The following CES5A variants were observed in gnomAD, a reference collection of about 807,000 sequenced individuals.
CES5A encodes the protein carboxylesterase 5A.
A neutral mutation model predicts 62.9 loss-of-function variants in CES5A; 67 were observed. The ratio of observed to expected loss-of-function variants is 1.07; its 90% confidence interval spans 0.88 to 1.31. CES5A has a LOEUF of 1.31. Ranked by LOEUF, CES5A falls within the 50% of genes most tolerant of loss-of-function variation. The probability of loss-of-function intolerance (pLI) is 0.00; values close to 1 mark genes in which losing one functional copy is unlikely to be tolerated. For missense variants in CES5A, 748 were observed against 708.5 expected (o/e 1.06, Z -0.63); for synonymous variants, 296 against 280.8 (o/e 1.05, Z -0.54).
intron 10 of CES5A, among the ~76,000 whole-genome samples, chr16:55,852,149 G>A (rs1338466511): frequency 6.6e-6 from 1 of 152,150 alleles, no homozygotes; most frequent in Admixed American, 6.5e-5. Flanking sequence ...ACAACAATAT[G>A]AATGTACTTG....
chr16:55,910,190 G>A (rs1236631713), intron 1 of CES5A, among the ~76,000 whole-genome samples: 5 of 152,176 alleles, frequency 3.3e-5, no homozygotes, highest in East Asian at 3.9e-4. Context: ...TCCTAGCTAA[G>A]AGGAATCCTG....
exon 1 of CES5A, chr16:55,925,442 G>A (rs1415495590): frequency 1.3e-5 from 2 of 152,006 alleles, no homozygotes; most frequent in Non-Finnish European, 2.9e-5. Context: ...CCATTATGGA[G>A]AACAGTTTGG....
intron 3 of CES5A, among the ~76,000 whole-genome samples, chr16:55,870,927 C>T (rs2033570715): frequency 6.6e-6 from 1 of 152,190 alleles, no homozygotes; most frequent in Non-Finnish European, 1.5e-5. Context: ...GAATCTAGTG[C>T]CTACTGTGTG....
intron 7 of CES5A, among the ~76,000 whole-genome samples, 195 bp from the exon 8 acceptor site, chr16:55,859,882 AG>A (rs1313051659): frequency 6.6e-6 from 1 of 152,200 alleles, no homozygotes; most frequent in African/African-American, 2.4e-5. Flanking sequence ...TACTTGGGTG[AG>A]GGGGCTAAAC....
At chr16:55,879,045 G>A (rs2033732923), upstream of CES5A, among the ~76,000 whole-genome samples, 1 of 127,524 alleles carries the variant, frequency 7.8e-6, no homozygotes. Flanking sequence ...CCCCATCACT[G>A]CACCCACATC....
intron 1 of CES5A, among the ~76,000 whole-genome samples, chr16:55,952,243 G>A (rs1403999699): frequency 6.6e-6 from 1 of 151,924 alleles, no homozygotes; most frequent in African/African-American, 2.4e-5. Flanking sequence ...ACAAGGAGAG[G>A]CCATATATCA....
chr16:55,893,327 T>A (rs933910973), intron 1 of CES5A, among the ~76,000 whole-genome samples: 12 of 151,498 alleles, frequency 7.9e-5, no homozygotes, highest in East Asian at 1.9e-4. Context: ...AAAAAAAAAA[T>A]TGGAATCATA....
intron 1 of CES5A, among the ~76,000 whole-genome samples, chr16:55,887,537 C>A (rs192215260): frequency 9.5e-4 from 144 of 152,254 alleles, no homozygotes; most frequent in Non-Finnish European, 1.3e-3. Context: ...GAGTCTGGAG[C>A]ATCTCACCAG....
rs557277048 is a variant in CES5A, at chr16:55,897,394, T to C, written c.-255-23357A>G. 2.0e-5 allele frequency among the ~76,000 whole-genome samples: 3 copies of C among 152,058 alleles called. No homozygotes were observed. The South Asian group carries it at 6.2e-4, about 32-fold the overall frequency. ...GTACTTACAGAAGGGGGAAAAAGGG[T>C]TCTAGGGCCTTCTAAGTGGCCCAGG... On this transcript the variant is annotated intron_variant, in intron 1 of 12. Coordinates refer to the CES5A transcript ENST00000518005.
At position 55,875,266 on chromosome 16, in the gene CES5A, G is replaced by A. The variant is rs778841425; in HGVS notation, c.-45C>T. On this transcript the variant is annotated 5_prime_UTR_variant, in exon 1 of 13. Coordinates refer to ENST00000290567, the MANE Select transcript of CES5A (RefSeq NM_001143685.2). ...CTGTGAACATTGACGGCGGCTGCTG[G>A]CCTCAGAGAGCTTCAGTTGGGAGCC... 2 of 1,597,476 alleles carry A rather than the reference G, an allele frequency of 1.3e-6. No homozygotes were observed. The highest frequency in any genetic ancestry group is 4.5e-5 in the East Asian group (2 of 44,532).
chr16:55,949,789 A>T (rs1239718860), exon 2 of CES5A: 1 of 1,458,868 alleles, frequency 6.9e-7, no homozygotes. Flanking sequence ...ACTCACCCTC[A>T]TCTTTGGAAG....
intron 5 of CES5A, among the ~76,000 whole-genome samples, chr16:55,864,770 A>G (rs1367273635): frequency 2.0e-5 from 3 of 152,214 alleles, no homozygotes; most frequent in African/African-American, 7.2e-5. Context: ...TTAGCTGGGC[A>G]TGGTGGCGCA....
chr16:55,895,451 G>A (rs2033922302), intron 1 of CES5A, among the ~76,000 whole-genome samples: 1 of 152,222 alleles, frequency 6.6e-6, no homozygotes, highest in Admixed American at 6.5e-5. Flanking sequence ...AGTCAAAGGA[G>A]ATTATTCCGG....
chr16:55,846,747 G>T (rs2033020141), intron 12 of CES5A, 21 bp downstream of exon 12: 1 of 1,613,452 alleles, frequency 6.2e-7, no homozygotes. Flanking sequence ...TGGCATGGGG[G>T]AGACCGGGAG....
intron 11 of CES5A, 70 bp from the exon 12 acceptor site, chr16:55,846,910 G>T (rs2033025226): frequency 1.5e-6 from 2 of 1,298,490 alleles, no homozygotes; most frequent in South Asian, 2.4e-5. Flanking sequence ...CCTTGTATTT[G>T]ATTAATCCTT....
At chr16:55,850,472 T>C (rs1316352026) in intron 10 of CES5A, among the ~76,000 whole-genome samples, 1 of 152,242 alleles carries the variant, frequency 6.6e-6, no homozygotes, top group Non-Finnish European at 1.5e-5. Flanking sequence ...AATGGGATCA[T>C]ACAACATGTG....
upstream of CES5A, among the ~76,000 whole-genome samples, chr16:55,877,416 GTGTGTA>G (rs1231365792): frequency 6.7e-5 from 10 of 148,638 alleles, no homozygotes; most frequent in Non-Finnish European, 1.2e-4. Context: ...ATATGTGTGT[GTGTGTA>G]TATATATATA....
chr16:55,883,926 C>A (rs1412521699), intron 1 of CES5A, among the ~76,000 whole-genome samples: 2 of 152,216 alleles, frequency 1.3e-5, no homozygotes, highest in Admixed American at 6.5e-5. Context: ...CATTCACTAC[C>A]TGGCTCTCGT....
At chr16:55,856,191 C>T (rs567623212) in intron 9 of CES5A, among the ~76,000 whole-genome samples, 186 bp downstream of exon 9, 3 of 152,232 alleles carry the variant, frequency 2.0e-5, no homozygotes, top group African/African-American at 7.2e-5. Context: ...ATAAATTACC[C>T]AGTCTCAGGT....
Sources: allele counts gnomAD v4.1 joint callset (sites outside exome capture counted in the v4.1 genomes callset), GRCh38; gene constraint gnomAD v4.1.1; transcripts MANE v1.5; gene names NCBI Gene and HGNC (gene_info 2026-07-23, HGNC 2026-07-21).